The following BCAS3 variants were observed in gnomAD, a reference collection of about 807,000 sequenced individuals.
BCAS3 encodes the protein BCAS3 microtubule associated cell migration factor.
In BCAS3, 53 loss-of-function variants were observed where a neutral mutation model predicts 116.1. That is an observed-to-expected ratio of 0.46 (90% CI 0.37 to 0.57). The LOEUF (loss-of-function observed/expected upper bound fraction) is 0.57. BCAS3 is among the 20% of genes least tolerant of loss of function. The probability of loss-of-function intolerance (pLI) is 0.00; values close to 1 mark genes in which losing one functional copy is unlikely to be tolerated. For synonymous variants in BCAS3, 391 were observed against 408.2 expected (o/e 0.96, Z 0.51); for missense variants, 917 against 1,165.4 (o/e 0.79, Z 3.10).
At chr17:60,819,011 TA>T (rs1262795404) in intron 7 of BCAS3, among the ~76,000 whole-genome samples, 2 of 152,148 alleles carry the variant, frequency 1.3e-5, no homozygotes, top group Admixed American at 1.3e-4. Flanking sequence ...ATTATGGATG[TA>T]GGAAATCTTA....
intron 23 of BCAS3, among the ~76,000 whole-genome samples, chr17:61,374,377 G>T (rs8076784): frequency 0.015 from 2,223 of 151,954 alleles, 51 homozygotes; most frequent in African/African-American, 0.051. Context: ...CACCATGTTG[G>T]CCAGGCTGGT....
At chr17:61,372,333 G>A (rs1291054264) in intron 23 of BCAS3, among the ~76,000 whole-genome samples, 4 of 152,090 alleles carry the variant, frequency 2.6e-5, no homozygotes, top group Admixed American at 6.5e-5. Flanking sequence ...TTCTTCTGTC[G>A]TCCTTAGGCG....
chr17:61,204,124 C>T lies in BCAS3; in HGVS notation c.2425+119560C>T, dbSNP rs947729142. Among the ~76,000 whole-genome samples the T allele has an allele frequency of 6.6e-6, 1 of 152,198 alleles. No individual in the cohort carries two copies. Among genetic ancestry groups the T allele is most frequent in the Non-Finnish European group, 1.5e-5 (1 of 68,036 alleles). On this transcript the variant is annotated intron_variant, in intron 22 of 23. Transcript: ENST00000407086. This position sits in a 1 kb window ranked among gnomAD's most constrained non-coding sequence, Gnocchi z 4.2. ...TCCTCCTCAGCTCACCAGAGTCACT[C>T]AGTCTCTGAGCCAAACCTGCCTTTG... is the stretch of plus-strand genomic sequence containing the variant.
At chr17:60,750,195 A>C (rs1319357905) in intron 6 of BCAS3, among the ~76,000 whole-genome samples, 1 of 152,006 alleles carries the variant, frequency 6.6e-6, no homozygotes, top group Non-Finnish European at 1.5e-5. Context: ...TAATCCATGT[A>C]ATTTACTGTA....
rs964578996 is a variant in BCAS3, at chr17:61,132,058, A to G, written c.2425+47494A>G. Among the ~76,000 whole-genome samples the G allele has an allele frequency of 2.6e-5, 4 of 152,176 alleles. No homozygotes were observed. Among genetic ancestry groups the G allele is most frequent in the Non-Finnish European group, 4.4e-5 (3 of 68,020 alleles). On this transcript the variant is annotated intron_variant, in intron 22 of 23. Transcript: ENST00000407086. The surrounding 1 kb of genome is among the most constrained non-coding windows in gnomAD (Gnocchi z 5.1). ...TCTCCTTATAGCCACTCTGTCCCCA[A>G]AGAAGTTTTTAATGCTTTGACCTAT...
At chr17:60,833,352 T>A (rs2144731824) in intron 7 of BCAS3, among the ~76,000 whole-genome samples, 1 of 152,294 alleles carries the variant, frequency 6.6e-6, no homozygotes, top group Admixed American at 6.5e-5. Context: ...TTGGCAAAAA[T>A]TTATTTTGGC....
rs868557985 is a variant in BCAS3 at position 60,934,258 on chromosome 17, T to C, written c.1087+9758T>C. 6.6e-5 allele frequency among the ~76,000 whole-genome samples: 10 copies of C among 152,252 alleles called. No homozygotes were observed. The South Asian group carries it at 1.0e-3, about 16-fold the overall frequency. ...TGTAGCCCTGGGTTCCATCAGTAAG[T>C]GAAGAGCCTTTTCCATTCTTCATCA... On this transcript the variant is annotated intron_variant, in intron 13 of 23. Transcript: ENST00000407086.
intron 4 of BCAS3, among the ~76,000 whole-genome samples, chr17:60,701,628 T>A (rs2036404056): frequency 6.6e-6 from 1 of 152,076 alleles, no homozygotes; most frequent in Admixed American, 6.6e-5. Flanking sequence ...GCATAAGATG[T>A]ATAGATACTA....
At chr17:60,687,904 T>A (rs1004353306) in intron 3 of BCAS3, 2 of 152,170 alleles carry the variant, frequency 1.3e-5, no homozygotes, top group Admixed American at 6.6e-5. Flanking sequence ...TGAAAGCATA[T>A]AAGCCTCATT....
At chr17:60,968,752 AACAGCC>A (rs1409098759) in intron 14 of BCAS3, among the ~76,000 whole-genome samples, 3 of 152,200 alleles carry the variant, frequency 2.0e-5, no homozygotes, top group African/African-American at 7.2e-5. Flanking sequence ...GGTGCTGCTG[AACAGCC>A]ACTCTAATTT....
chr17:60,892,749 T>A (rs1045065869), intron 10 of BCAS3, among the ~76,000 whole-genome samples: 1 of 151,786 alleles, frequency 6.6e-6, no homozygotes, highest in Non-Finnish European at 1.5e-5. Flanking sequence ...AGTGAAACCC[T>A]GTCTCTACTA....
Position 61,246,827 on chromosome 17 carries a change from G to GTGTGTGTA in BCAS3, c.2426-121497_2426-121496insGTGTATGT, listed in dbSNP as rs1217444834. On this transcript the variant is annotated intron_variant, in intron 22 of 23. Transcript: ENST00000407086. ...TGTGTGTGTGTGTGTGTGTGTGTGT[G>GTGTGTGTA]TGTATGTGTGTGATAACCTAATTGA... 5.6e-3 allele frequency among the ~76,000 whole-genome samples: 845 copies of GTGTGTGTA among 149,896 alleles called. 3 individuals carry two copies. The highest frequency in any genetic ancestry group is 0.02 in the African/African-American group (796 of 40,278).
chr17:60,784,555 A>C (rs996349101), intron 6 of BCAS3, among the ~76,000 whole-genome samples: 1 of 151,180 alleles, frequency 6.6e-6, no homozygotes, highest in African/African-American at 2.4e-5. Flanking sequence ...TGCTCACCTC[A>C]GCCTCCCAAA....
chr17:60,932,429 G>A (rs1158290208), intron 13 of BCAS3, among the ~76,000 whole-genome samples: 15 of 152,178 alleles, frequency 9.9e-5, no homozygotes, highest in Non-Finnish European at 1.9e-4. Flanking sequence ...ATCAACTTAT[G>A]TCTAAATTGT....
At chr17:61,005,217 A>G (rs1480502038) in intron 15 of BCAS3, among the ~76,000 whole-genome samples, 2 of 152,140 alleles carry the variant, frequency 1.3e-5, no homozygotes, top group African/African-American at 4.8e-5. Flanking sequence ...TACTTTTGGA[A>G]AAGTAAATTT....
chr17:61,067,737 A>AT (rs2070862708), intron 19 of BCAS3, among the ~76,000 whole-genome samples: 5 of 146,334 alleles, frequency 3.4e-5, no homozygotes, highest in Admixed American at 2.0e-4. Context: ...AAAAAAAAAA[A>AT]AAAATATATA....
At chr17:60,702,065 A>G (rs1746025659) in intron 4 of BCAS3, among the ~76,000 whole-genome samples, 1 of 152,194 alleles carries the variant, frequency 6.6e-6, no homozygotes, top group African/African-American at 2.4e-5. Flanking sequence ...TCTATTATAA[A>G]AAGTTAAGAT....
intron 15 of BCAS3, 58 bp from the exon 16 acceptor site, chr17:61,015,693 A>G: frequency 1.0e-5 from 16 of 1,543,478 alleles, no homozygotes; most frequent in Non-Finnish European, 1.3e-5. Context: ...TCGGAGATAG[A>G]GAACGGGAGA....
intron 22 of BCAS3, among the ~76,000 whole-genome samples, chr17:61,169,903 G>A (rs1206343155): frequency 6.6e-6 from 1 of 152,188 alleles, no homozygotes; most frequent in East Asian, 1.9e-4. Context: ...CGCCCAGGCT[G>A]TAGTGCAGTG....
Sources: allele counts gnomAD v4.1 joint callset (sites outside exome capture counted in the v4.1 genomes callset), GRCh38; gene constraint gnomAD v4.1.1; non-coding constraint Gnocchi (gnomAD v3.1); transcripts MANE v1.5; gene names NCBI Gene and HGNC (gene_info 2026-07-23, HGNC 2026-07-21).